RBFOX1: variants seen among roughly 807,000 people sequenced by gnomAD.
RBFOX1 encodes the protein RNA binding protein fox-1 homolog 1.
In RBFOX1, 8 loss-of-function variants were observed where a neutral mutation model predicts 57.7. The ratio of observed to expected loss-of-function variants is 0.14; its 90% CI spans 0.08 to 0.25. RBFOX1 has a LOEUF of 0.25. Among genes scored for constraint, RBFOX1 ranks in the 10% least tolerant of loss-of-function variants. The pLI, the probability that RBFOX1 is intolerant of heterozygous loss-of-function variation, is 1.00. For synonymous variants in RBFOX1, 326 were observed against 222.4 expected (o/e 1.47, Z -4.15); for missense variants, 611 against 548.5 (o/e 1.11, Z -1.14).
intron 4 of RBFOX1, among the ~76,000 whole-genome samples, chr16:7,452,151 C>G (rs911847401): frequency 6.6e-6 from 1 of 152,266 alleles, no homozygotes; most frequent in African/African-American, 2.4e-5. Context: ...CTTTATGATC[C>G]AGCCAAGTTA....
In RBFOX1 at chr16:6,986,338, G is replaced by A. The variant is rs576734881; in HGVS notation, c.-15-65719G>A. Among the ~76,000 whole-genome samples, 21 of 152,070 alleles carry A rather than the reference G, an allele frequency of 1.4e-4. No individual in the cohort carries two copies. In the South Asian group the frequency reaches 2.9e-3, roughly 21 times the overall value. On this transcript the variant is annotated intron_variant, in intron 3 of 15. Coordinates refer to ENST00000550418, the MANE Select transcript of RBFOX1 (RefSeq NM_018723.4). ...CTCAGCCTCCCGAGTAGCTGGGATT[G>A]CAGGCGTCTGCCACCATGTCTGGCT...
At chr16:6,731,859 C>T (rs2068698472) in intron 3 of RBFOX1, among the ~76,000 whole-genome samples, 2 of 152,098 alleles carry the variant, frequency 1.3e-5, no homozygotes, top group South Asian at 2.1e-4. Context: ...CATTGTCTGC[C>T]TCTAGGGGAA....
chr16:6,501,410 G>C (rs973271556), intron 2 of RBFOX1, among the ~76,000 whole-genome samples: 18 of 150,270 alleles, frequency 1.2e-4, no homozygotes, highest in African/African-American at 4.2e-4. Context: ...TTGTCCTTGC[G>C]ATAGTTTGCT....
At chr16:6,966,621 A>G (rs2084228272) in intron 3 of RBFOX1, among the ~76,000 whole-genome samples, 2 of 152,196 alleles carry the variant, frequency 1.3e-5, no homozygotes, top group African/African-American at 4.8e-5. Flanking sequence ...ACATGGGGTC[A>G]CAGAGCAAGA....
intron 4 of RBFOX1, among the ~76,000 whole-genome samples, chr16:7,239,854 C>T (rs1183515474): frequency 1.3e-5 from 2 of 151,526 alleles, no homozygotes; most frequent in African/African-American, 4.9e-5. Flanking sequence ...GAAACTACTA[C>T]TTGAAAACTG....
chr16:5,760,627 A>G (rs1320940199), intron 3 of RBFOX1, among the ~76,000 whole-genome samples: 1 of 152,206 alleles, frequency 6.6e-6, no homozygotes, highest in Non-Finnish European at 1.5e-5. Context: ...TGATGCTAAC[A>G]TTGAAGGAAG....
chr16:6,183,847 G>T (rs959842385), intron 1 of RBFOX1, among the ~76,000 whole-genome samples: 6 of 152,172 alleles, frequency 3.9e-5, no homozygotes, highest in African/African-American at 1.4e-4. Flanking sequence ...AGCATGTAGG[G>T]CTTTGAAGGT....
At chr16:6,584,128 T>A (rs970562400) in intron 2 of RBFOX1, among the ~76,000 whole-genome samples, 1 of 151,990 alleles carries the variant, frequency 6.6e-6, no homozygotes, top group East Asian at 1.9e-4. Flanking sequence ...AGTCTCCTAA[T>A]GTATTCTGTG....
intron 1 of RBFOX1, among the ~76,000 whole-genome samples, chr16:5,438,108 G>T (rs983144333): frequency 9.2e-5 from 14 of 152,192 alleles, no homozygotes; most frequent in Admixed American, 5.9e-4. Context: ...TTTGTAGTTT[G>T]AACACAACAT....
chr16:6,971,074 C>G (rs1338609833), intron 3 of RBFOX1, among the ~76,000 whole-genome samples: 2 of 152,204 alleles, frequency 1.3e-5, no homozygotes, highest in African/African-American at 2.4e-5. Flanking sequence ...GAAAAGGACA[C>G]ATGCGTTTCC....
chr16:5,634,495 G>T (rs1002552629), intron 3 of RBFOX1, among the ~76,000 whole-genome samples: 2 of 152,106 alleles, frequency 1.3e-5, no homozygotes, highest in African/African-American at 4.8e-5. Context: ...TGTACAAAAT[G>T]CTAAACATAT....
intron 3 of RBFOX1, among the ~76,000 whole-genome samples, chr16:6,666,016 C>G (rs9931586): frequency 0.25 from 37,454 of 151,988 alleles, 4,720 homozygotes; most frequent in East Asian, 0.28. Flanking sequence ...GTGAATAAGT[C>G]TCCCGAGATC....
chr16:5,265,244 T>A (rs2062829621), intron 1 of RBFOX1, among the ~76,000 whole-genome samples: 1 of 152,176 alleles, frequency 6.6e-6, no homozygotes. Flanking sequence ...CTTGGACTAT[T>A]TCAGTCTTTC....
intron 4 of RBFOX1, among the ~76,000 whole-genome samples, chr16:7,257,735 G>A (rs1342413248): frequency 6.6e-6 from 1 of 152,168 alleles, no homozygotes; most frequent in African/African-American, 2.4e-5. Flanking sequence ...CATAGATGTT[G>A]CCTGTGTTAG....
At chr16:6,200,539 A>G (rs1332672422) in intron 1 of RBFOX1, among the ~76,000 whole-genome samples, 1 of 152,174 alleles carries the variant, frequency 6.6e-6, no homozygotes, top group Non-Finnish European at 1.5e-5. Context: ...CACAATATAA[A>G]CCATGGGACT....
intron 2 of RBFOX1, among the ~76,000 whole-genome samples, chr16:5,549,946 G>GT (rs1479022205): frequency 1.3e-5 from 2 of 152,188 alleles, no homozygotes; most frequent in African/African-American, 4.8e-5. Flanking sequence ...GTTTGCATGT[G>GT]TATGTGTGCG....
At chr16:6,031,057 C>T (rs939956076) in intron 1 of RBFOX1, among the ~76,000 whole-genome samples, 19 of 152,120 alleles carry the variant, frequency 1.2e-4, no homozygotes, top group Admixed American at 2.6e-4. Context: ...AGTATTAAAA[C>T]GGCAACAGAA....
chr16:6,994,942 A>G (rs2092030066), intron 3 of RBFOX1, among the ~76,000 whole-genome samples: 1 of 125,638 alleles, frequency 8.0e-6, no homozygotes, highest in South Asian at 2.9e-4. Flanking sequence ...TTCTTGCATT[A>G]TTTTGTGTGT....
intron 1 of RBFOX1, among the ~76,000 whole-genome samples, chr16:5,355,314 G>GC (rs1170559221): frequency 2.0e-5 from 3 of 152,194 alleles, no homozygotes; most frequent in African/African-American, 4.8e-5. Flanking sequence ...GTGGCAGGAC[G>GC]CAGGGACTAT....
Sources: allele counts gnomAD v4.1 joint callset (sites outside exome capture counted in the v4.1 genomes callset), GRCh38; gene constraint gnomAD v4.1.1; transcripts MANE v1.5; gene names NCBI Gene and HGNC (gene_info 2026-07-23, HGNC 2026-07-21).